DEPTOR: variants seen among roughly 807,000 people sequenced by gnomAD.
The protein encoded by DEPTOR is DEP domain-containing mTOR-interacting protein.
DEPTOR carries 41 observed loss-of-function variants against 41.6 expected under a neutral mutation model. The observed-to-expected ratio is 0.98, with a 90% CI of 0.77 to 1.28. The LOEUF is 1.28. Among genes scored for constraint, DEPTOR ranks in the 50% most tolerant of loss-of-function variants. DEPTOR has a pLI of 0.00. For missense variants in DEPTOR, 514 were observed against 527.9 expected (o/e 0.97, Z 0.26); for synonymous variants, 195 against 192.3 (o/e 1.01, Z -0.12).
intron 8 of DEPTOR, among the ~76,000 whole-genome samples, chr8:120,015,009 T>C (rs368885551): frequency 2.0e-5 from 3 of 152,118 alleles, no homozygotes; most frequent in East Asian, 1.9e-4. Context: ...TCTGCTTTAG[T>C]CAGGGAGAAT....
At chr8:119,952,697 A>T in intron 3 of DEPTOR, among the ~76,000 whole-genome samples, 1 of 152,088 alleles carries the variant, frequency 6.6e-6, no homozygotes, top group East Asian at 1.9e-4. Flanking sequence ...TTCCTGTGTT[A>T]GTTTGCTGGG....
chr8:120,026,352 T>A (rs1812796895), intron 8 of DEPTOR, among the ~76,000 whole-genome samples: 1 of 151,722 alleles, frequency 6.6e-6, no homozygotes, highest in Admixed American at 6.6e-5. Context: ...ATTCTAATTT[T>A]TTTTTTTGAG....
chr8:119,959,531 CT>C (rs1055976492), intron 3 of DEPTOR, among the ~76,000 whole-genome samples: 197 of 137,528 alleles, frequency 1.4e-3, no homozygotes, highest in Middle Eastern at 4.2e-3. Context: ...TCTAAATAAT[CT>C]TTTTTTTTTT....
At chr8:119,910,800 G>A (rs770203545) in intron 1 of DEPTOR, among the ~76,000 whole-genome samples, 1 of 152,134 alleles carries the variant, frequency 6.6e-6, no homozygotes, top group African/African-American at 2.4e-5. Flanking sequence ...AGTACCAAGT[G>A]TATTTGATGT....
intron 3 of DEPTOR, among the ~76,000 whole-genome samples, chr8:119,964,880 C>T (rs1457488168): frequency 6.6e-6 from 1 of 151,996 alleles, no homozygotes; most frequent in African/African-American, 2.4e-5. Flanking sequence ...TCAAGACCAG[C>T]CTGACCAACA....
intron 4 of DEPTOR, among the ~76,000 whole-genome samples, chr8:119,970,631 C>G (rs1255825206): frequency 1.3e-5 from 2 of 152,112 alleles, no homozygotes; most frequent in African/African-American, 2.4e-5. Context: ...CATAATAGAC[C>G]TTTGAGAGTT....
intron 8 of DEPTOR, among the ~76,000 whole-genome samples, chr8:120,029,482 A>G (rs143652422): frequency 8.4e-4 from 127 of 152,086 alleles, no homozygotes; most frequent in Non-Finnish European, 1.3e-3. Context: ...TGCAACCTCT[A>G]TCTCCTTGGT....
At chr8:120,042,028 C>T (rs1465299291) in intron 8 of DEPTOR, among the ~76,000 whole-genome samples, 1 of 151,928 alleles carries the variant, frequency 6.6e-6, no homozygotes, top group African/African-American at 2.4e-5. Flanking sequence ...TGATTGATCC[C>T]TTTTCCAAGA....
chr8:119,876,320 T>C (rs1267354013), intron 1 of DEPTOR, among the ~76,000 whole-genome samples: 1 of 152,204 alleles, frequency 6.6e-6, no homozygotes, highest in Non-Finnish European at 1.5e-5. Flanking sequence ...GACTTTAAGC[T>C]AGACTGAATC....
intron 1 of DEPTOR, among the ~76,000 whole-genome samples, chr8:119,893,349 G>A (rs955545260): frequency 6.6e-6 from 1 of 152,204 alleles, no homozygotes; most frequent in African/African-American, 2.4e-5. Flanking sequence ...AGTTGGTTTG[G>A]CTACTTGTCA....
At chr8:119,988,374 G>T (rs150731852) in intron 4 of DEPTOR, among the ~76,000 whole-genome samples, 2,190 of 152,242 alleles carry the variant, frequency 0.014, 52 homozygotes, top group African/African-American at 0.05. Context: ...AGATGAACCG[G>T]GTACCTCAGT....
chr8:119,945,103 T>G (rs1307059068), intron 3 of DEPTOR, among the ~76,000 whole-genome samples: 1 of 152,124 alleles, frequency 6.6e-6, no homozygotes, highest in African/African-American at 2.4e-5. Context: ...CCTTGAGGCC[T>G]CACACAACTT....
At chr8:119,971,399 G>A (rs1333386559) in intron 4 of DEPTOR, among the ~76,000 whole-genome samples, 8 of 152,140 alleles carry the variant, frequency 5.3e-5, no homozygotes, top group Admixed American at 1.3e-4. Flanking sequence ...TTAGAGGAAC[G>A]GGAGATGAGG....
rs542840589 is a variant in DEPTOR at position 119,950,675 on chromosome 8, C to T, written c.426-14557C>T. On this transcript the variant is annotated intron_variant, in intron 3 of 8. Coordinates refer to ENST00000286234, the MANE Select transcript of DEPTOR (RefSeq NM_022783.4). ...GCAGTGGTGCAATCTCGGCTCATTG[C>T]AATCTCCGCCTCCCGTTCAAGCAAT... is the stretch of plus-strand genomic sequence containing the variant. Among the ~76,000 whole-genome samples the T allele has an allele frequency of 5.3e-5, 8 of 152,214 alleles. No homozygotes were observed. The South Asian group carries it at 1.5e-3, about 28-fold the overall frequency.
chr8:119,878,493 T>G lies in DEPTOR; in HGVS notation c.122+4525T>G, dbSNP rs143172675. ...TGCCACCACACCCAGTTAATTTTTT[T>G]TGTGTGTGTGCTTTTAGTAGAGACA... On this transcript the variant is annotated intron_variant, in intron 1 of 8. Coordinates refer to ENST00000286234, the MANE Select transcript of DEPTOR (RefSeq NM_022783.4). Among the ~76,000 whole-genome samples the G allele has an allele frequency of 2.2e-3, 341 of 151,806 alleles. 1 individual carries two copies. The highest frequency in any genetic ancestry group is 6.5e-3 in the African/African-American group (271 of 41,406).
chr8:119,936,658 T>C (rs549064624), intron 3 of DEPTOR, among the ~76,000 whole-genome samples: 45 of 152,336 alleles, frequency 3.0e-4, no homozygotes, highest in African/African-American at 1.1e-3. Flanking sequence ...TGTCTCCATC[T>C]TGTTCTATTT....
intron 8 of DEPTOR, among the ~76,000 whole-genome samples, chr8:120,042,094 GA>G (rs76331772): frequency 0.17 from 24,293 of 145,906 alleles, 2,598 homozygotes; most frequent in African/African-American, 0.3. Context: ...TAATTATAAG[GA>G]AAAAAAAAAA....
chr8:119,882,981 C>T (rs77612580), intron 1 of DEPTOR, among the ~76,000 whole-genome samples: 2,823 of 152,064 alleles, frequency 0.019, 88 homozygotes, highest in African/African-American at 0.063. Flanking sequence ...ATTAGATACA[C>T]GGGGGACATC....
chr8:119,929,024 A>G (rs1828005420), intron 2 of DEPTOR, among the ~76,000 whole-genome samples: 1 of 152,190 alleles, frequency 6.6e-6, no homozygotes. Context: ...TGATCAACAC[A>G]CTGTGAGCTT....
Sources: gnomAD v4.1 joint callset for allele counts (sites outside exome capture counted in the v4.1 genomes callset) on GRCh38, gnomAD v4.1.1 for gene constraint, MANE v1.5 for transcripts, NCBI Gene and HGNC (gene_info 2026-07-23, HGNC 2026-07-21) for gene names.